Variants in GAP43 observed in about 807,000 individuals in gnomAD.
GAP43 encodes growth associated protein 43.
GAP43 carries 6 observed loss-of-function variants against 18.6 expected under a neutral mutation model. The observed-to-expected ratio is 0.32, with a 90% CI of 0.18 to 0.64. GAP43 has a LOEUF of 0.64. Ranked by LOEUF, GAP43 falls within the 30% of genes least tolerant of loss-of-function variation. GAP43 has a pLI of 0.78. For missense variants in GAP43, 292 were observed against 295.5 expected, an observed-to-expected ratio of 0.99 and a Z score of 0.09; for synonymous variants, 115 against 111.4, an observed-to-expected ratio of 1.03 and a Z score of -0.20.
intron 2 of GAP43, among the ~76,000 whole-genome samples, chr3:115,702,072 G>A (rs1337110502): frequency 2.0e-5 from 3 of 152,090 alleles, no homozygotes; most frequent in African/African-American, 7.2e-5. Flanking sequence ...TAGAGATAAT[G>A]GTCAGGTGAT....
chr3:115,689,963 G>A (rs1709084478), intron 2 of GAP43, among the ~76,000 whole-genome samples: 1 of 152,230 alleles, frequency 6.6e-6, no homozygotes, highest in Non-Finnish European at 1.5e-5. Flanking sequence ...AGCAGGGGAA[G>A]GCACTGACTG....
chr3:115,627,532 CTT>C (rs1021207649), intron 1 of GAP43, among the ~76,000 whole-genome samples: 3 of 151,600 alleles, frequency 2.0e-5, no homozygotes, highest in Admixed American at 6.6e-5. Flanking sequence ...AATCCACAGA[CTT>C]CAGAATTTTA....
chr3:115,661,581 C>T (rs1057188715), intron 1 of GAP43, among the ~76,000 whole-genome samples: 4 of 152,076 alleles, frequency 2.6e-5, no homozygotes, highest in African/African-American at 7.2e-5. Context: ...CTCTGCCTCC[C>T]GGGTTCACGC....
chr3:115,626,823 G>A (rs533488050), intron 1 of GAP43, among the ~76,000 whole-genome samples: 16 of 152,158 alleles, frequency 1.1e-4, no homozygotes, highest in Non-Finnish European at 1.0e-4. Context: ...TTATCTCTGA[G>A]AGTGTGATCT....
intron 1 of GAP43, chr3:115,663,693 C>CAAA: frequency 1.3e-6 from 2 of 1,496,174 alleles, no homozygotes; most frequent in Non-Finnish European, 1.8e-6. Flanking sequence ...AAAGAGATCT[C>CAAA]AAAACAGGAA....
At chr3:115,698,179 T>C (rs866870674) in intron 2 of GAP43, among the ~76,000 whole-genome samples, 3,825 of 34,292 alleles carry the variant, frequency 0.11, 704 homozygotes, top group African/African-American at 0.36. Context: ...TATTAAATAA[T>C]ATATATATTA....
rs756931070 is a variant in GAP43, at chr3:115,720,761, T to C, written c.629-33T>C. On this transcript the variant is annotated intron_variant, in intron 2 of 2. Transcript: ENST00000305124. ...TAAGACAAAATACTAATTCTCTCCT[T>C]TTCCCCCCATCCTATCTTGTTTTCT... is the stretch of plus-strand genomic sequence containing the variant. 3 of 1,476,610 alleles carry C rather than the reference T, an allele frequency of 2.0e-6. No individual in the cohort carries two copies. The South Asian group carries it at 3.4e-5, about 17-fold the overall frequency. 91.5% of individuals were successfully genotyped at this position (1,476,610 alleles called of 1,614,324 possible).
intron 1 of GAP43, among the ~76,000 whole-genome samples, chr3:115,632,496 T>A (rs1708272424): frequency 6.6e-6 from 1 of 152,220 alleles, no homozygotes; most frequent in South Asian, 2.1e-4. Context: ...AAGGACATTA[T>A]AGTTCTTCTG....
intron 1 of GAP43, among the ~76,000 whole-genome samples, chr3:115,653,476 T>A (rs1006280655): frequency 2.0e-5 from 3 of 152,098 alleles, no homozygotes; most frequent in Non-Finnish European, 2.9e-5. Flanking sequence ...AGGTAATTTT[T>A]CCAATGTCAA....
At chr3:115,707,066 T>C (rs915407808) in intron 2 of GAP43, among the ~76,000 whole-genome samples, 4 of 152,224 alleles carry the variant, frequency 2.6e-5, no homozygotes, top group African/African-American at 7.2e-5. Context: ...GCTTGGCACA[T>C]AGTAAACATT....
chr3:115,652,442 G>A (rs1209989883), intron 1 of GAP43, among the ~76,000 whole-genome samples: 1 of 135,376 alleles, frequency 7.4e-6, no homozygotes, highest in Admixed American at 8.5e-5. Context: ...AAGTGCAGTG[G>A]TGGCACCATC....
Position 115,670,972 on chromosome 3 carries a change from T to C in GAP43, c.31-5041T>C, listed in dbSNP as rs77298577. 6.8e-3 allele frequency among the ~76,000 whole-genome samples: 1,035 copies of C among 152,338 alleles called. 59 individuals are homozygous for C. The East Asian group carries it at 0.15, about 22-fold the overall frequency. The stretch of plus-strand genomic sequence containing the variant: ...TTGTAATGCATTTAAAATTCAATAC[T>C]ATTTTTTAAAAATTTAAGTATTATA... On this transcript the variant is annotated intron_variant, in intron 1 of 2. Transcript: ENST00000305124.
chr3:115,710,975 G>A (rs548739103), intron 2 of GAP43, among the ~76,000 whole-genome samples: 12 of 152,204 alleles, frequency 7.9e-5, no homozygotes, highest in African/African-American at 2.9e-4. Flanking sequence ...AATGTCATCT[G>A]CCCCAGTCTC....
intron 1 of GAP43, among the ~76,000 whole-genome samples, chr3:115,648,491 A>T (rs1047709424): frequency 2.0e-5 from 3 of 152,158 alleles, no homozygotes; most frequent in African/African-American, 7.2e-5. Flanking sequence ...TCTAGCTTAG[A>T]TTTACTGGAA....
intron 2 of GAP43, among the ~76,000 whole-genome samples, chr3:115,696,902 A>G (rs283385): frequency 0.99 from 151,001 of 152,118 alleles, 74,963 homozygotes; most frequent in East Asian, 1. Context: ...GTGCAATCTC[A>G]GCTCACTGCA....
intron 1 of GAP43, among the ~76,000 whole-genome samples, chr3:115,624,032 A>G (rs749337489): frequency 6.6e-6 from 1 of 152,018 alleles, no homozygotes; most frequent in Non-Finnish European, 1.5e-5. Flanking sequence ...GGACGTAGAA[A>G]GGGGTGTGGG....
At chr3:115,698,044 T>C (rs1416949823) in intron 2 of GAP43, among the ~76,000 whole-genome samples, 1 of 71,640 alleles carries the variant, frequency 1.4e-5, no homozygotes, top group Non-Finnish European at 2.2e-5. Flanking sequence ...AAATATATAT[T>C]ATATATTATA....
intron 2 of GAP43, among the ~76,000 whole-genome samples, chr3:115,689,310 C>T (rs373147597): frequency 2.6e-5 from 4 of 152,332 alleles, no homozygotes; most frequent in Admixed American, 2.0e-4. Flanking sequence ...GTAGACTTTT[C>T]ATTTCTTGAA....
intron 1 of GAP43, among the ~76,000 whole-genome samples, chr3:115,662,692 T>A (rs546136605): frequency 6.6e-6 from 1 of 152,300 alleles, no homozygotes; most frequent in South Asian, 2.1e-4. Flanking sequence ...CAGCAACACA[T>A]CTGTAAAGCT....
Sources: allele counts gnomAD v4.1 joint callset (sites outside exome capture counted in the v4.1 genomes callset), GRCh38; gene constraint gnomAD v4.1.1; transcripts MANE v1.5; gene names NCBI Gene and HGNC (gene_info 2026-07-23, HGNC 2026-07-21).